Variants in C7orf57 observed in about 807,000 individuals in gnomAD.
The protein encoded by C7orf57 is uncharacterized protein C7orf57.
Under a neutral mutation model 39.0 loss-of-function variants are expected in C7orf57, and 33 were observed. That is an observed-to-expected ratio of 0.85 (90% CI 0.64 to 1.13). The LOEUF is 1.13. C7orf57 is among the 50% of genes most tolerant of loss of function. The pLI, the probability that C7orf57 is intolerant of heterozygous loss-of-function variation, is 0.00. For synonymous variants in C7orf57, 124 were observed against 137.1 expected (o/e 0.90, Z 0.67); for missense variants, 346 against 362.3 (o/e 0.95, Z 0.37).
chr7:48,036,493 T>C, intron 2 of C7orf57, 130 bp downstream of exon 2: 2 of 819,758 alleles, frequency 2.4e-6, no homozygotes, highest in Non-Finnish European at 1.8e-6. Context: ...GACCAAGTGA[T>C]AAAACTAACA....
At position 48,041,774 on chromosome 7, in the gene C7orf57, C is replaced by T. The variant is rs532345836; in HGVS notation, c.241+255C>T. On this transcript the variant is annotated intron_variant, in intron 3 of 8. Transcript: ENST00000348904. ...ATATTTCTTCTGAGTAATGCCTTTGCGATGATTCAACCCTTCCCTCACCCA... is the reference window on the plus strand; with the variant it reads ...ATATTTCTTCTGAGTAATGCCTTTGTGATGATTCAACCCTTCCCTCACCCA... 43 of 254,104 alleles carry T rather than the reference C, an allele frequency of 1.7e-4. 2 individuals are homozygous for T. The South Asian group carries it at 5.8e-3, about 34-fold the overall frequency. 15.7% of individuals were successfully genotyped at this position (254,104 alleles called of 1,614,324 possible).
At chr7:48,056,919 T>G (rs1791132091) in intron 8 of C7orf57, among the ~76,000 whole-genome samples, 1 of 152,184 alleles carries the variant, frequency 6.6e-6, no homozygotes, top group Non-Finnish European at 1.5e-5. Flanking sequence ...TTGGCACCTT[T>G]GTTGAAAATT....
chr7:48,048,161 C>A (rs1790770176), intron 5 of C7orf57, among the ~76,000 whole-genome samples: 2 of 152,176 alleles, frequency 1.3e-5, no homozygotes, highest in Non-Finnish European at 2.9e-5. Context: ...GTTAAAGACA[C>A]ACATGCTGAG....
chr7:48,043,386 A>G, intron 3 of C7orf57, 95 bp from the exon 4 acceptor site: 2 of 875,958 alleles, frequency 2.3e-6, no homozygotes, highest in Non-Finnish European at 3.6e-6. Flanking sequence ...GGAGACCTAC[A>G]GTTCGCCTTG....
intron 6 of C7orf57, among the ~76,000 whole-genome samples, chr7:48,051,819 C>CT (rs200429839): frequency 2.6e-4 from 3 of 11,468 alleles, no homozygotes; most frequent in Non-Finnish European, 1.9e-4. Context: ...TTTCTCTTCT[C>CT]TTTCTTTCTT....
intron 3 of C7orf57, among the ~76,000 whole-genome samples, chr7:48,042,424 G>A (rs1358364106): frequency 6.6e-6 from 1 of 152,188 alleles, no homozygotes; most frequent in East Asian, 1.9e-4. Flanking sequence ...GATTATGTCA[G>A]GAATGTCTTT....
rs1010066160 is a variant in C7orf57 at position 48,060,824 on chromosome 7, A to G, written c.*552A>G. On this transcript the variant is annotated 3_prime_UTR_variant, in exon 9 of 9. Coordinates refer to ENST00000348904, the MANE Select transcript of C7orf57 (RefSeq NM_001100159.3). ...CATTTGCTGTTTTAAAATTTTTGCT[A>G]TTTTTTCACAAACTGATATTCAAAA... is the stretch of plus-strand genomic sequence containing the variant. 6.6e-6 allele frequency: 1 copy of G among 152,106 alleles called. No homozygotes were observed. The highest frequency in any genetic ancestry group is 1.5e-5 in the Non-Finnish European group (1 of 67,986). 9.4% of individuals were successfully genotyped at this position (152,106 alleles called of 1,614,324 possible).
Position 48,038,383 on chromosome 7 carries a change from T to TATATATAGATAG in C7orf57, c.55+2023_55+2024insTATAGATAGATA, listed in dbSNP as rs148010398. The stretch of plus-strand genomic sequence containing the variant: ...ATCCATGTCTATCTTTCTATATACA[T>TATATATAGATAG]ATAGATAGATAGATAGATAGATAGA... On this transcript the variant is annotated intron_variant, in intron 2 of 8. Transcript: ENST00000348904. 3.8e-3 allele frequency among the ~76,000 whole-genome samples: 565 copies of TATATATAGATAG among 150,230 alleles called. 1 individual carries two copies. Among genetic ancestry groups the TATATATAGATAG allele is most frequent in the African/African-American group, 7.3e-3 (297 of 40,854 alleles).
chr7:48,037,830 C>A (rs1467858046), intron 2 of C7orf57, among the ~76,000 whole-genome samples: 1 of 151,970 alleles, frequency 6.6e-6, no homozygotes, highest in Admixed American at 6.5e-5. Flanking sequence ...GGCCCTCATT[C>A]TCTGAGTGCC....
At position 48,044,823 on chromosome 7, in the gene C7orf57, A is replaced by G. The variant is rs377406526; in HGVS notation, c.350+1234A>G. ...AGAAATTTCTATTTGTGGACATGCA[A>G]ACTTTATCTCCAGAACCACCTGTCG... On this transcript the variant is annotated intron_variant, in intron 4 of 8. Coordinates refer to ENST00000348904, the MANE Select transcript of C7orf57 (RefSeq NM_001100159.3). Among the ~76,000 whole-genome samples, 99 of 152,348 alleles carry G rather than the reference A, an allele frequency of 6.5e-4. No homozygotes were observed. The Middle Eastern group carries it at 0.01, about 16-fold the overall frequency.
rs1160944026 is a variant in C7orf57 at position 48,052,836 on chromosome 7, T to C, written c.742T>C (p.Ser248Pro). The change falls in exon 7 of 9, where the codon TCT becomes CCT. Residue 248 changes from serine (S) to proline (P), a missense_variant. Ser to Pro is a moderately conservative substitution (Grantham distance 74, BLOSUM62 -1). Coordinates refer to ENST00000348904, the MANE Select transcript of C7orf57 (RefSeq NM_001100159.3). ...TPKTSRASVL[S>P]QSPRDLEGPQ... The stretch of plus-strand genomic sequence containing the variant: ...GAAGACCTCCAGGGCATCAGTGTTA[T>C]CTCAGTCCCCACGAGACCTGGAAGG... 2 of 1,613,994 alleles carry C rather than the reference T, an allele frequency of 1.2e-6. No individual in the cohort carries two copies. Among genetic ancestry groups the C allele is most frequent in the Non-Finnish European group, 1.7e-6 (2 of 1,179,904 alleles).
At position 48,051,837 on chromosome 7, in the gene C7orf57, T is replaced by TTC. The variant is rs1554299768; in HGVS notation, c.606-861_606-860dup. On this transcript the variant is annotated intron_variant, in intron 6 of 8. Coordinates refer to ENST00000348904, the MANE Select transcript of C7orf57 (RefSeq NM_001100159.3). ...CTCTTCTCTTTCTTTCTTTCTTTCTTTCTTTCTTTCTTTCTTTCTTTCTTT... is the reference window on the plus strand; with the variant it reads ...CTCTTCTCTTTCTTTCTTTCTTTCTTTCTCTTTCTTTCTTTCTTTCTTTCTTT... Among the ~76,000 whole-genome samples the TTC allele has an allele frequency of 2.2e-5, 2 of 89,532 alleles. 1 individual carries two copies. The highest frequency in any genetic ancestry group is 7.5e-5 in the African/African-American group (2 of 26,626). The allele number at this position is 89,532 out of a possible 152,430, so 58.7% of individuals were successfully genotyped here.
Position 48,035,673 on chromosome 7 carries a change from G to A in C7orf57, c.-102+43G>A. 1 of 633,548 alleles carries A rather than the reference G, an allele frequency of 1.6e-6. No individual in the cohort carries two copies. Among genetic ancestry groups the A allele is most frequent in the Non-Finnish European group, 2.8e-6 (1 of 350,978 alleles). 39.2% of individuals were successfully genotyped at this position (633,548 alleles called of 1,614,324 possible). A position where few individuals can be genotyped will look rare whatever the true frequency, so the allele number is the denominator to read the frequency against. ...GGAGGACAATGGGGGCGCCCACTGT[G>A]GTCCCGGGCCTTGTCCACTGTGCGG... On this transcript the variant is annotated intron_variant, in intron 1 of 8. Coordinates refer to ENST00000348904, the MANE Select transcript of C7orf57 (RefSeq NM_001100159.3). The surrounding 1 kb of genome is among the most constrained non-coding windows in gnomAD (Gnocchi z 4.0).
rs1481457967 is a variant in C7orf57, at chr7:48,061,285, ATAT to A, written c.*1014_*1016del. 6.6e-6 allele frequency: 1 copy of A among 152,172 alleles called. No homozygotes were observed. The highest frequency in any genetic ancestry group is 2.4e-5 in the African/African-American group (1 of 41,446). The allele number at this position is 152,172 out of a possible 1,614,324, so 9.4% of individuals were successfully genotyped here. ...TGGCTGTATGCATTGAATAAAAATA[ATAT>A]ACAATTAGAGTAAGAAGTTTGTTTT... On this transcript the variant is annotated 3_prime_UTR_variant, in exon 9 of 9. Coordinates refer to ENST00000348904, the MANE Select transcript of C7orf57 (RefSeq NM_001100159.3).
intron 6 of C7orf57, among the ~76,000 whole-genome samples, chr7:48,052,116 G>C (rs1790970123): frequency 6.6e-6 from 1 of 151,708 alleles, no homozygotes; most frequent in Non-Finnish European, 1.5e-5. Context: ...TGGGACTACA[G>C]GTGCGTGCCA....
At chr7:48,036,423 T>C (rs1384137224) in intron 2 of C7orf57, 60 bp downstream of exon 2, 3 of 1,452,940 alleles carry the variant, frequency 2.1e-6, no homozygotes, top group African/African-American at 1.4e-5. Context: ...CTCTGCTTGC[T>C]AGACACGCTG....
chr7:48,041,624 GT>G, intron 3 of C7orf57, 105 bp downstream of exon 3: 1 of 970,666 alleles, frequency 1.0e-6, no homozygotes, highest in Non-Finnish European at 1.5e-6. Context: ...GAGTCTGTAT[GT>G]TTAGCTTAGG....
chr7:48,048,166 G>A (rs980591852), intron 5 of C7orf57, among the ~76,000 whole-genome samples: 1 of 152,206 alleles, frequency 6.6e-6, no homozygotes, highest in Non-Finnish European at 1.5e-5. Flanking sequence ...AGACACACAT[G>A]CTGAGTATTT....
At chr7:48,052,562 G>A in intron 6 of C7orf57, 138 bp from the exon 7 acceptor site, 2 of 686,448 alleles carry the variant, frequency 2.9e-6, no homozygotes, top group Non-Finnish European at 5.1e-6. Flanking sequence ...GAAAGAGAGA[G>A]GGAAAGACAG....
Sources: allele counts gnomAD v4.1 joint callset (sites outside exome capture counted in the v4.1 genomes callset), GRCh38; gene constraint gnomAD v4.1.1; non-coding constraint Gnocchi (gnomAD v3.1); transcripts MANE v1.5; gene names NCBI Gene and HGNC (gene_info 2026-07-23, HGNC 2026-07-21).